Variants in XPO6 observed in about 807,000 individuals in gnomAD.
The protein encoded by XPO6 is exportin 6, also known as exportin-6.
A neutral mutation model predicts 130.0 loss-of-function variants in XPO6; 3 were observed. That is an observed-to-expected ratio of 0.02 (90% confidence interval 0.01 to 0.06). The LOEUF is 0.06. Ranked by LOEUF, XPO6 falls within the 10% of genes least tolerant of loss-of-function variation. The pLI, the probability that XPO6 is intolerant of heterozygous loss-of-function variation, is 1.00. For synonymous variants in XPO6, 524 were observed against 548.9 expected, an observed-to-expected ratio of 0.95 and a Z score of 0.63; for missense variants, 970 against 1,393.0, an observed-to-expected ratio of 0.70 and a Z score of 4.83.
At chr16:28,200,450 A>C (rs1198882125) in intron 1 of XPO6, among the ~76,000 whole-genome samples, 1 of 151,798 alleles carries the variant, frequency 6.6e-6, no homozygotes, top group East Asian at 1.9e-4. Flanking sequence ...TGGACCAGCT[A>C]CCACTGTGCC....
intron 12 of XPO6, among the ~76,000 whole-genome samples, chr16:28,129,723 C>T (rs2042628887): frequency 6.6e-6 from 1 of 152,098 alleles, no homozygotes; most frequent in Admixed American, 6.5e-5. Context: ...CATAAACGGA[C>T]CCAAGCAGAA....
intron 1 of XPO6, among the ~76,000 whole-genome samples, chr16:28,183,047 C>A (rs112802096): frequency 6.6e-6 from 1 of 152,304 alleles, no homozygotes; most frequent in Non-Finnish European, 1.5e-5. Context: ...TCCATAACTT[C>A]TTGTGTTGAA....
intron 6 of XPO6, among the ~76,000 whole-genome samples, chr16:28,161,286 C>G (rs2043273639): frequency 6.6e-6 from 1 of 152,144 alleles, no homozygotes; most frequent in Admixed American, 6.5e-5. Context: ...TTGGGACTCC[C>G]TAAAAGGGTT....
At chr16:28,159,581 T>C (rs751680100) in intron 6 of XPO6, among the ~76,000 whole-genome samples, 4 of 152,036 alleles carry the variant, frequency 2.6e-5, no homozygotes, top group Admixed American at 1.3e-4. Context: ...AATTAAGGAA[T>C]GGAGAAGCTG....
At position 28,098,615 on chromosome 16, in the gene XPO6, C is replaced by T; in HGVS notation, c.3301G>A (p.Val1101Met). Residue 1101 changes from valine to methionine, a missense_variant, in exon 24 of 24, where the codon GTG becomes ATG. Coordinates refer to ENST00000304658, the MANE Select transcript of XPO6 (RefSeq NM_015171.4). ...CGCAGGTCGTTGACCAGCCTGTGCA[C>T]ATTCTGGGTGAATGAGGGCAGGTCC... ...DRDLPSFTQN[V>M]HRLVNDLRYY... The T allele has an allele frequency of 6.2e-7, 1 of 1,612,104 alleles. No individual in the cohort carries two copies. The highest frequency in any genetic ancestry group is 8.5e-7 in the Non-Finnish European group (1 of 1,178,782).
intron 1 of XPO6, among the ~76,000 whole-genome samples, chr16:28,196,863 G>A (rs1445745388): frequency 2.0e-5 from 3 of 152,104 alleles, no homozygotes; most frequent in Non-Finnish European, 2.9e-5. Flanking sequence ...CACCAGGAGT[G>A]GAAGTAGCCT....
At chr16:28,191,638 T>C (rs1384333328) in intron 1 of XPO6, among the ~76,000 whole-genome samples, 1 of 152,142 alleles carries the variant, frequency 6.6e-6, no homozygotes, top group African/African-American at 2.4e-5. Context: ...GTGGGTCAAG[T>C]GAAGACAGGG....
chr16:28,104,839 C>A (rs1215775945), intron 20 of XPO6, 132 bp from the exon 21 acceptor site: 29 of 1,007,930 alleles, frequency 2.9e-5, no homozygotes, highest in Non-Finnish European at 4.0e-5. Flanking sequence ...ACATGCCTGT[C>A]ACTACCTGCG....
intron 2 of XPO6, 44 bp downstream of exon 2, chr16:28,180,897 C>A: frequency 1.3e-6 from 2 of 1,524,054 alleles, no homozygotes; most frequent in Non-Finnish European, 1.8e-6. Context: ...CTACCAGGGC[C>A]TCCTCATTAT....
intron 6 of XPO6, among the ~76,000 whole-genome samples, chr16:28,164,333 C>T (rs372559115): frequency 1.3e-5 from 2 of 152,184 alleles, no homozygotes; most frequent in Admixed American, 6.5e-5. Flanking sequence ...GCATCTTAAG[C>T]GCACAAAGAC....
chr16:28,173,976 G>A (rs2043494796), intron 4 of XPO6, among the ~76,000 whole-genome samples: 1 of 152,128 alleles, frequency 6.6e-6, no homozygotes, highest in Non-Finnish European at 1.5e-5. Flanking sequence ...TCTTGTCACA[G>A]GACGCACCAC....
chr16:28,178,763 A>C (rs1302424602), intron 2 of XPO6, among the ~76,000 whole-genome samples: 11 of 86,466 alleles, frequency 1.3e-4, no homozygotes, highest in African/African-American at 3.9e-4. Flanking sequence ...ACAAAACAAA[A>C]CAAAAAAAAA....
At chr16:28,157,961 G>C (rs1362364340) in intron 6 of XPO6, among the ~76,000 whole-genome samples, 1 of 152,224 alleles carries the variant, frequency 6.6e-6, no homozygotes, top group East Asian at 1.9e-4. Context: ...GGGAGAGCTG[G>C]AGGCAGTCTG....
rs754523694 is a variant in XPO6 at position 28,125,673 on chromosome 16, G to A, written c.1766+16C>T. 5 of 1,611,202 alleles carry A rather than the reference G, an allele frequency of 3.1e-6. No homozygotes were observed. Among genetic ancestry groups the A allele is most frequent in the African/African-American group, 1.3e-5 (1 of 74,880 alleles). On this transcript the variant is annotated intron_variant, in intron 13 of 23. Coordinates refer to ENST00000304658, the MANE Select transcript of XPO6 (RefSeq NM_015171.4). ...TCTGAAGAAGGAACAGCTCCATAAG[G>A]TAACTGCCAGCCTACCTTTCCACGA... is the stretch of plus-strand genomic sequence containing the variant.
intron 4 of XPO6, among the ~76,000 whole-genome samples, chr16:28,170,347 AAAAG>A (rs1393265389): frequency 2.6e-5 from 4 of 151,840 alleles, no homozygotes; most frequent in African/African-American, 9.7e-5. Flanking sequence ...AAAAAAAAAA[AAAAG>A]AAACATCACT....
intron 8 of XPO6, among the ~76,000 whole-genome samples, chr16:28,149,033 ACT>A (rs1242055806): frequency 6.8e-6 from 1 of 147,938 alleles, no homozygotes; most frequent in Admixed American, 6.8e-5. Flanking sequence ...CAAGAGTGAA[ACT>A]CTGTCTCCAA....
At chr16:28,135,009 TA>T (rs1227075707) in intron 10 of XPO6, among the ~76,000 whole-genome samples, 3 of 152,154 alleles carry the variant, frequency 2.0e-5, no homozygotes, top group Admixed American at 6.5e-5. Context: ...TCCACATAGA[TA>T]AAAAAGCCTG....
chr16:28,151,582 C>G (rs2043090904), intron 8 of XPO6, among the ~76,000 whole-genome samples: 1 of 152,184 alleles, frequency 6.6e-6, no homozygotes, highest in Non-Finnish European at 1.5e-5. Flanking sequence ...TTGGAAAGGA[C>G]ATGAGGAGAT....
At chr16:28,143,272 G>A (rs2042927278) in intron 9 of XPO6, among the ~76,000 whole-genome samples, 1 of 152,186 alleles carries the variant, frequency 6.6e-6, no homozygotes, top group Non-Finnish European at 1.5e-5. Flanking sequence ...TAACGCTACA[G>A]TCACAACCAC....
Sources: gnomAD v4.1 joint callset for allele counts (sites outside exome capture counted in the v4.1 genomes callset) on GRCh38, gnomAD v4.1.1 for gene constraint, MANE v1.5 for transcripts, NCBI Gene and HGNC (gene_info 2026-07-23, HGNC 2026-07-21) for gene names.